CCDC97: variants seen among roughly 807,000 people sequenced by gnomAD.
CCDC97 encodes coiled-coil domain containing 97.
CCDC97 carries 27 observed loss-of-function variants against 33.9 expected under a neutral mutation model. The ratio of observed to expected loss-of-function variants is 0.80; its 90% CI spans 0.59 to 1.10. The LOEUF (loss-of-function observed/expected upper bound fraction) is 1.10, where lower values mean the gene tolerates loss of function less well. Ranked by LOEUF, CCDC97 falls within the 50% of genes least tolerant of loss-of-function variation. CCDC97 has a pLI of 0.00. For synonymous variants in CCDC97, 217 were observed against 194.0 expected (o/e 1.12, Z -0.99); for missense variants, 422 against 476.6 (o/e 0.89, Z 1.07).
At chr19:41,321,893 G>A (rs533897739) in intron 4 of CCDC97, among the ~76,000 whole-genome samples, 3 of 152,212 alleles carry the variant, frequency 2.0e-5, no homozygotes, top group Non-Finnish European at 1.5e-5. Flanking sequence ...GGCATGGGCA[G>A]CTGTCCTGCC....
chr19:41,318,406 C>T (rs377521072), intron 2 of CCDC97, among the ~76,000 whole-genome samples: 10 of 152,212 alleles, frequency 6.6e-5, no homozygotes, highest in African/African-American at 7.2e-5. Context: ...TAGAGTTAAT[C>T]GAGATCACAC....
chr19:41,319,868 AG>A lies in CCDC97; in HGVS notation c.781+18del. On this transcript the variant is annotated intron_variant, in intron 3 of 4. Transcript: ENST00000269967. ...GACGAGGAAGGTGAGGGCCAGTAGCAGGAAGACCCCAGATTCCAGACACCCC... is the reference window on the plus strand; with the variant it reads ...GACGAGGAAGGTGAGGGCCAGTAGCAGAAGACCCCAGATTCCAGACACCCC... The A allele has an allele frequency of 7.9e-7, 1 of 1,261,484 alleles. No individual in the cohort carries two copies. Among genetic ancestry groups the A allele is most frequent in the South Asian group, 1.3e-5 (1 of 78,006 alleles). 78.1% of individuals were successfully genotyped at this position (1,261,484 alleles called of 1,614,324 possible). A position where few individuals can be genotyped will look rare whatever the true frequency, so the allele number is the denominator to read the frequency against.
In CCDC97 at chr19:41,316,641, G is replaced by A. The variant is rs760937643; in HGVS notation, c.304G>A (p.Glu102Lys). The A allele has an allele frequency of 5.5e-5, 89 of 1,614,056 alleles. 1 individual carries two copies. The South Asian group carries it at 6.6e-4, about 12-fold the overall frequency. The change falls in exon 2 of 5, where the codon GAG becomes AAG. Residue 102 changes from glutamate (E) to lysine (K), a missense_variant. Transcript: ENST00000269967. ...KVAILAQLYH[E>K]KPLVFLERFR... ...GGCCATCCTGGCCCAGCTGTACCAC[G>A]AGAAGCCACTGGTGTTCCTGGAGCG...
At chr19:41,315,610 CAA>C (rs753192806) in intron 1 of CCDC97, among the ~76,000 whole-genome samples, 4 of 127,502 alleles carry the variant, frequency 3.1e-5, no homozygotes, top group Admixed American at 7.9e-5. Flanking sequence ...AACTCCATCT[CAA>C]AAAAAAAAAA....
rs770599455 is a variant in CCDC97, at chr19:41,322,751, A to T, written c.*36A>T. On this transcript the variant is annotated 3_prime_UTR_variant, in exon 5 of 5. Transcript: ENST00000269967. ...CCTTCCCACCGCCTGCCCCATCCCC[A>T]TCCCCAACAAGGCAGCTGATTCCAG... is the stretch of plus-strand genomic sequence containing the variant. 1.9e-6 allele frequency: 3 copies of T among 1,604,486 alleles called. No individual in the cohort carries two copies. The Admixed American group carries it at 5.1e-5, about 27-fold the overall frequency.
chr19:41,316,448 C>T lies in CCDC97; in HGVS notation c.111C>T (p.Pro37=). The change falls in exon 2 of 5, where the codon CCC becomes CCT. Residue 37 remains proline, a synonymous_variant. Coordinates refer to ENST00000269967, the MANE Select transcript of CCDC97 (RefSeq NM_052848.3). ...GCCGGACACCAGTCCCATCTAAACCCCAGGACAAAGTGGAAGCAGCTGAGG... is the reference window on the plus strand; with the variant it reads ...GCCGGACACCAGTCCCATCTAAACCTCAGGACAAAGTGGAAGCAGCTGAGG... ...ELSRTPVPSK[P]QDKVEAAEAT... is the part of the protein sequence containing the mutation. The T allele has an allele frequency of 6.2e-7, 1 of 1,614,160 alleles. No individual in the cohort carries two copies. The highest frequency in any genetic ancestry group is 8.5e-7 in the Non-Finnish European group (1 of 1,180,032).
intron 2 of CCDC97, among the ~76,000 whole-genome samples, chr19:41,318,283 T>C (rs1381124320): frequency 6.6e-6 from 1 of 152,020 alleles, no homozygotes; most frequent in Non-Finnish European, 1.5e-5. Context: ...ACCCCGGCTC[T>C]ACTAAAAATA....
At chr19:41,320,018 C>T (rs1490772489) in intron 3 of CCDC97, among the ~76,000 whole-genome samples, 166 bp downstream of exon 3, 1 of 152,184 alleles carries the variant, frequency 6.6e-6, no homozygotes, top group African/African-American at 2.4e-5. Context: ...ACCGCTGCAG[C>T]ATCCCCATCC....
rs561727891 is a variant in CCDC97, at chr19:41,320,298, C to T, written c.782-43C>T. The T allele has an allele frequency of 2.7e-5, 43 of 1,610,402 alleles. 1 individual carries two copies. In the South Asian group the frequency reaches 3.6e-4, roughly 14 times the overall value. On this transcript the variant is annotated intron_variant, in intron 3 of 4. Transcript: ENST00000269967. ...GTGGACTCTGTGCTCAGTGCCTGCC[C>T]GAGTGCACCCGCATTCACACCCCCT...
At chr19:41,321,936 C>T (rs2037828885) in intron 4 of CCDC97, among the ~76,000 whole-genome samples, 1 of 152,200 alleles carries the variant, frequency 6.6e-6, no homozygotes, top group Admixed American at 6.5e-5. Context: ...CGGCCTCTAT[C>T]CACTGGAGGG....
At chr19:41,316,329 C>T in intron 1 of CCDC97, 55 bp from the exon 2 acceptor site, 2 of 1,413,368 alleles carry the variant, frequency 1.4e-6, no homozygotes, top group Non-Finnish European at 2.0e-6. Context: ...TGACTAAGCC[C>T]CCAGTCCCTT....
rs531810056 is a variant in CCDC97 at position 41,312,479 on chromosome 19, C to A, written c.46+2123C>A. ...TGTTTTCCTTTGGCTTCAGCGACAC[C>A]ACAGTGCCTGATTTCCTGCCTGTCT... On this transcript the variant is annotated intron_variant, in intron 1 of 4. Coordinates refer to ENST00000269967, the MANE Select transcript of CCDC97 (RefSeq NM_052848.3). Among the ~76,000 whole-genome samples, 4 of 152,274 alleles carry A rather than the reference C, an allele frequency of 2.6e-5. No homozygotes were observed. In the East Asian group the frequency reaches 7.7e-4, roughly 29 times the overall value.
At chr19:41,311,192 G>T (rs76853939) in intron 1 of CCDC97, among the ~76,000 whole-genome samples, 4 of 152,180 alleles carry the variant, frequency 2.6e-5, no homozygotes, top group African/African-American at 9.7e-5. Flanking sequence ...TTTGAGACCA[G>T]CCTGGGCAAG....
In CCDC97 at chr19:41,310,172, A is replaced by C. The variant is rs1599869777; in HGVS notation, c.-139A>C. ...GCATGCGCAATGCAACGTCTGCCTT[A>C]GGCCCGGAACTTCGGTGCCTGGGCG... On this transcript the variant is annotated 5_prime_UTR_variant, in exon 1 of 5. Transcript: ENST00000269967. 9.0e-6 allele frequency: 11 copies of C among 1,227,836 alleles called. No homozygotes were observed. In the East Asian group the frequency reaches 2.3e-4, roughly 26 times the overall value. 76.1% of individuals were successfully genotyped at this position (1,227,836 alleles called of 1,614,324 possible). A position where few individuals can be genotyped will look rare whatever the true frequency, so the allele number is the denominator to read the frequency against.
Position 41,322,600 on chromosome 19 carries a change from T to C in CCDC97, c.917T>C (p.Val306Ala), listed in dbSNP as rs775833700. The C allele has an allele frequency of 1.1e-5, 18 of 1,613,338 alleles. No homozygotes were observed. The highest frequency in any genetic ancestry group is 9.3e-6 in the Non-Finnish European group (11 of 1,179,554). ...ACAGCCTCCTCCTCCTGCAGCACAGTAGACGACAACCCCGACTTCGACAAC... is the reference window on the plus strand; with the variant it reads ...ACAGCCTCCTCCTCCTGCAGCACAGCAGACGACAACCCCGACTTCGACAAC... ...GKDGDFDYSTVDDNPDFDNLD... is the reference protein window; with the variant it reads ...GKDGDFDYSTADDNPDFDNLD... Residue 306 changes from valine (V) to alanine (A), a missense_variant, in exon 5 of 5, where the codon GTA (valine) becomes GCA (alanine). Physicochemically the swap from Val to Ala is moderately conservative, Grantham distance 64. Transcript: ENST00000269967.
chr19:41,320,383 C>G lies in CCDC97; in HGVS notation c.824C>G (p.Ser275Trp). Residue 275 changes from serine (S) to tryptophan (W), a missense_variant, in exon 4 of 5, where the codon TCG becomes TGG. Physicochemically the swap from Ser to Trp is radical, Grantham distance 177. Transcript: ENST00000269967. ...GACTCGGAGGCCTGGGTTCCCGACTCGGAGGAGAGGCTGATCCTGCGAGAG... is the reference window on the plus strand; with the variant it reads ...GACTCGGAGGCCTGGGTTCCCGACTGGGAGGAGAGGCTGATCCTGCGAGAG... ...GKDSEAWVPD[S>W]EERLILREEF... 1.2e-6 allele frequency: 2 copies of G among 1,614,148 alleles called. No individual in the cohort carries two copies. Among genetic ancestry groups the G allele is most frequent in the Non-Finnish European group, 1.7e-6 (2 of 1,180,032 alleles).
At position 41,313,503 on chromosome 19, in the gene CCDC97, C is replaced by T. The variant is rs148553700; in HGVS notation, c.47-2881C>T. On this transcript the variant is annotated intron_variant, in intron 1 of 4. Transcript: ENST00000269967. ...CCTTGTCCAGCTCAGTCTTCAGCTG[C>T]ATCAGTGATTTAAATCCTCCCTGAT... Among the ~76,000 whole-genome samples the T allele has an allele frequency of 1.9e-3, 290 of 152,306 alleles. 2 individuals carry two copies. Among genetic ancestry groups the T allele is most frequent in the African/African-American group, 6.7e-3 (278 of 41,578 alleles).
chr19:41,322,461 C>T (rs886351664), intron 4 of CCDC97, 134 bp from the exon 5 acceptor site: 15 of 900,022 alleles, frequency 1.7e-5, no homozygotes, highest in Non-Finnish European at 2.5e-5. Flanking sequence ...GTTTTAAACA[C>T]TATCTCCCTT....
Position 41,316,491 on chromosome 19 carries a change from G to T in CCDC97, c.154G>T (p.Asp52Tyr), listed in dbSNP as rs1414500046. ...EAAEATPVAL[D>Y]SDTSGAENAA... is the part of the protein sequence containing the mutation. ...AGCTGAGGCAACACCAGTGGCCCTG[G>T]ACAGTGACACCTCCGGGGCTGAAAA... Residue 52 changes from aspartate to tyrosine, a missense_variant, in exon 2 of 5, where the codon GAC becomes TAC. Coordinates refer to ENST00000269967, the MANE Select transcript of CCDC97 (RefSeq NM_052848.3). The T allele has an allele frequency of 6.2e-7, 1 of 1,614,240 alleles. No homozygotes were observed. Among genetic ancestry groups the T allele is most frequent in the Non-Finnish European group, 8.5e-7 (1 of 1,180,026 alleles).
Sources: allele counts gnomAD v4.1 joint callset (sites outside exome capture counted in the v4.1 genomes callset), GRCh38; gene constraint gnomAD v4.1.1; transcripts MANE v1.5; gene names NCBI Gene and HGNC (gene_info 2026-07-23, HGNC 2026-07-21).